Variants in SPATS2L observed in about 807,000 individuals in gnomAD.
SPATS2L encodes SPATS2-like protein.
A neutral mutation model predicts 59.6 loss-of-function variants in SPATS2L; 30 were observed. The ratio of observed to expected loss-of-function variants is 0.50; its 90% CI spans 0.38 to 0.68. The LOEUF (loss-of-function observed/expected upper bound fraction) is 0.68. Among genes scored for constraint, SPATS2L ranks in the 30% least tolerant of loss-of-function variants. The probability of loss-of-function intolerance (pLI) is 0.00; values close to 1 mark genes in which losing one functional copy is unlikely to be tolerated. For missense variants in SPATS2L, 615 were observed against 700.0 expected (o/e 0.88, Z 1.37); for synonymous variants, 252 against 263.5 (o/e 0.96, Z 0.42).
In SPATS2L at chr2:200,364,029, A is replaced by G. The variant is rs563171394; in HGVS notation, c.-22-25194A>G. 2.0e-5 allele frequency among the ~76,000 whole-genome samples: 3 copies of G among 152,334 alleles called. No individual in the cohort carries two copies. In the South Asian group the frequency reaches 6.2e-4, roughly 32 times the overall value. ...AAAAACAGATATTATGGCTGAGCTC[A>G]GAGTCAGAGGGAGATGTTACTGTGG... On this transcript the variant is annotated intron_variant, in intron 2 of 12. Coordinates refer to ENST00000409140, the MANE Select transcript of SPATS2L (RefSeq NM_001100423.2).
chr2:200,455,593 G>A (rs953626452), intron 8 of SPATS2L, among the ~76,000 whole-genome samples: 1 of 152,164 alleles, frequency 6.6e-6, no homozygotes, highest in Admixed American at 6.5e-5. Context: ...GGTGTACCTC[G>A]AAAGCAAGTG....
At chr2:200,335,556 A>C (rs2105806861) in intron 2 of SPATS2L, among the ~76,000 whole-genome samples, 1 of 152,322 alleles carries the variant, frequency 6.6e-6, no homozygotes, top group South Asian at 2.1e-4. Context: ...AGTTATAGTA[A>C]TAATTTAAAA....
At chr2:200,329,524 G>A (rs776448201) in intron 2 of SPATS2L, 44 bp downstream of exon 2, 2 of 1,510,758 alleles carry the variant, frequency 1.3e-6, no homozygotes, top group South Asian at 1.2e-5. Flanking sequence ...TCCTCCTGCT[G>A]CCATGGCCAG....
At chr2:200,439,948 A>T (rs966454688) in intron 7 of SPATS2L, among the ~76,000 whole-genome samples, 1 of 152,246 alleles carries the variant, frequency 6.6e-6, no homozygotes, top group African/African-American at 2.4e-5. Context: ...CTTTTCATTC[A>T]GCCTCAGTTG....
chr2:200,325,040 T>C (rs778565314), intron 1 of SPATS2L, among the ~76,000 whole-genome samples: 3 of 152,192 alleles, frequency 2.0e-5, no homozygotes, highest in East Asian at 1.9e-4. Context: ...GTTGAGAATA[T>C]ATATTTTATC....
chr2:200,392,314 G>A (rs895084703), intron 3 of SPATS2L, among the ~76,000 whole-genome samples: 8 of 152,140 alleles, frequency 5.3e-5, no homozygotes, highest in East Asian at 1.9e-4. Flanking sequence ...CCTATGTAAC[G>A]AAGCCTCTGG....
chr2:200,365,522 A>T (rs969389463), intron 2 of SPATS2L, among the ~76,000 whole-genome samples: 2 of 152,214 alleles, frequency 1.3e-5, no homozygotes, highest in African/African-American at 4.8e-5. Flanking sequence ...CTCAGAGATG[A>T]TCAGACTCTA....
Position 200,478,050 on chromosome 2 carries a change from A to G in SPATS2L, c.*19A>G. The G allele has an allele frequency of 6.6e-7, 1 of 1,522,772 alleles. No individual in the cohort carries two copies. Among genetic ancestry groups the G allele is most frequent in the Non-Finnish European group, 8.8e-7 (1 of 1,137,182 alleles). The allele number at this position is 1,522,772 out of a possible 1,614,324, so 94.3% of individuals were successfully genotyped here. Reference sequence around the variant, plus strand: ...GGCCTGAGCTAGGAGGAAAAAGAGCAGTTTTCACTCAGTTTTGGTTCCCTG... The same window carrying G: ...GGCCTGAGCTAGGAGGAAAAAGAGCGGTTTTCACTCAGTTTTGGTTCCCTG... On this transcript the variant is annotated 3_prime_UTR_variant, in exon 13 of 13. Transcript: ENST00000409140.
At chr2:200,384,336 TTTTATTTATTTATTTA>T (rs10592541) in intron 2 of SPATS2L, among the ~76,000 whole-genome samples, 4 of 148,076 alleles carry the variant, frequency 2.7e-5, no homozygotes, top group African/African-American at 7.5e-5. Flanking sequence ...GGTTCATAAA[TTTTATTTATTTATTTA>T]TTTATTTATT....
intron 1 of SPATS2L, chr2:200,309,035 G>A (rs1474631498): frequency 5.6e-6 from 4 of 717,830 alleles, no homozygotes; most frequent in Middle Eastern, 2.3e-4. Context: ...AGGCCACACC[G>A]TTGCAGTCTT....
intron 3 of SPATS2L, among the ~76,000 whole-genome samples, chr2:200,404,579 C>T (rs576727242): frequency 2.0e-5 from 3 of 152,224 alleles, no homozygotes; most frequent in Admixed American, 1.3e-4. Flanking sequence ...GGAAAGACAT[C>T]TCCTTATAAG....
intron 3 of SPATS2L, among the ~76,000 whole-genome samples, chr2:200,405,010 A>G (rs2082647729): frequency 1.3e-5 from 2 of 152,274 alleles, no homozygotes; most frequent in South Asian, 4.1e-4. Context: ...AAGGTCAGCT[A>G]ATTAGCAACC....
chr2:200,357,283 G>A (rs1289696848), intron 2 of SPATS2L, among the ~76,000 whole-genome samples: 2 of 152,068 alleles, frequency 1.3e-5, no homozygotes, highest in African/African-American at 4.8e-5. Context: ...TCCTTTCATT[G>A]TCAGTGTCTG....
intron 1 of SPATS2L, among the ~76,000 whole-genome samples, chr2:200,319,624 A>G (rs1458210081): frequency 6.7e-6 from 1 of 149,994 alleles, no homozygotes; most frequent in East Asian, 2.0e-4. Context: ...CTGACTGAGT[A>G]TTCTGAACAG....
Position 200,478,213 on chromosome 2 carries a change from T to A in SPATS2L, c.*182T>A. On this transcript the variant is annotated 3_prime_UTR_variant, in exon 13 of 13. Transcript: ENST00000409140. ...TAGCTTGCTTCATAATTTTCATGGCTTTGCTTGATCTGTTGATGCTTTCTC... is the reference window on the plus strand; with the variant it reads ...TAGCTTGCTTCATAATTTTCATGGCATTGCTTGATCTGTTGATGCTTTCTC... The A allele has an allele frequency of 1.8e-6, 1 of 559,480 alleles. No homozygotes were observed. The highest frequency in any genetic ancestry group is 4.1e-5 in the Admixed American group (1 of 24,688). 34.7% of individuals were successfully genotyped at this position (559,480 alleles called of 1,614,324 possible).
Position 200,321,366 on chromosome 2 carries a change from A to G in SPATS2L, c.-72-8065A>G, listed in dbSNP as rs59533096. 4.2e-3 allele frequency among the ~76,000 whole-genome samples: 647 copies of G among 152,252 alleles called. 2 individuals carry two copies. Among genetic ancestry groups the G allele is most frequent in the African/African-American group, 0.015 (614 of 41,510 alleles). ...TTTCTACTTCTATAAAATGAGGATA[A>G]TAATACTATATACCTAGTAAGTTTA... On this transcript the variant is annotated intron_variant, in intron 1 of 12. Transcript: ENST00000409140.
intron 6 of SPATS2L, among the ~76,000 whole-genome samples, chr2:200,422,196 A>G (rs1254340469): frequency 6.6e-6 from 1 of 152,174 alleles, no homozygotes; most frequent in African/African-American, 2.4e-5. Context: ...ATTATTTGTT[A>G]ATGTTACTGA....
At chr2:200,364,865 G>C (rs980076324) in intron 2 of SPATS2L, among the ~76,000 whole-genome samples, 40 of 152,194 alleles carry the variant, frequency 2.6e-4, no homozygotes, top group African/African-American at 9.4e-4. Flanking sequence ...GCATTCTAGA[G>C]TGAGGCATTC....
At chr2:200,362,442 C>T (rs2081138152) in intron 2 of SPATS2L, among the ~76,000 whole-genome samples, 1 of 152,188 alleles carries the variant, frequency 6.6e-6, no homozygotes, top group African/African-American at 2.4e-5. Context: ...TCCTGTCATC[C>T]TTACATTGTG....
Sources: gnomAD v4.1 joint callset for allele counts (sites outside exome capture counted in the v4.1 genomes callset) on GRCh38, gnomAD v4.1.1 for gene constraint, MANE v1.5 for transcripts, NCBI Gene and HGNC (gene_info 2026-07-23, HGNC 2026-07-21) for gene names.